Variants in LEMD1 observed in about 807,000 individuals in gnomAD.
LEMD1 encodes LEM domain containing 1.
LEMD1 carries 18 observed loss-of-function variants against 17.4 expected under a neutral mutation model. That is an observed-to-expected ratio of 1.04 (90% CI 0.72 to 1.54). The LOEUF (loss-of-function observed/expected upper bound fraction) is 1.54. Among genes scored for constraint, LEMD1 ranks in the 40% most tolerant of loss-of-function variants. The pLI, the probability that LEMD1 is intolerant of heterozygous loss-of-function variation, is 0.00. For missense variants in LEMD1, 195 were observed against 210.4 expected, an observed-to-expected ratio of 0.93 and a Z score of 0.45; for synonymous variants, 88 against 77.8, an observed-to-expected ratio of 1.13 and a Z score of -0.69.
At chr1:205,440,398 G>C (rs1422928561) in intron 1 of LEMD1, among the ~76,000 whole-genome samples, 1 of 152,232 alleles carries the variant, frequency 6.6e-6, no homozygotes, top group African/African-American at 2.4e-5. Flanking sequence ...GATGCTGGCA[G>C]GGGGCTGGAA....
chr1:205,433,328 G>A (rs1384637302), intron 1 of LEMD1, among the ~76,000 whole-genome samples: 1 of 152,082 alleles, frequency 6.6e-6, no homozygotes, highest in African/African-American at 2.4e-5. Flanking sequence ...GTGGTGGCGG[G>A]TGCCTGTAAT....
At chr1:205,427,262 C>T (rs538666873) in intron 1 of LEMD1, among the ~76,000 whole-genome samples, 8 of 151,866 alleles carry the variant, frequency 5.3e-5, no homozygotes, top group South Asian at 2.1e-4. Flanking sequence ...TCACAGTAAG[C>T]GCTCACAAGT....
chr1:205,431,539 A>G (rs1012725845), intron 1 of LEMD1, among the ~76,000 whole-genome samples: 2 of 152,158 alleles, frequency 1.3e-5, no homozygotes, highest in Non-Finnish European at 2.9e-5. Flanking sequence ...AGTAAAGACA[A>G]CAAGTCTTGT....
intron 1 of LEMD1, among the ~76,000 whole-genome samples, chr1:205,438,685 T>C (rs1052775834): frequency 2.0e-5 from 3 of 152,024 alleles, no homozygotes; most frequent in Non-Finnish European, 2.9e-5. Flanking sequence ...CAGCCCTGGG[T>C]GAAGAAGGGG....
Position 205,381,550 on chromosome 1 carries a change from C to A in LEMD1, c.*108G>T. On this transcript the variant is annotated 3_prime_UTR_variant, in exon 6 of 6. Coordinates refer to ENST00000367153, the MANE Select transcript of LEMD1 (RefSeq NM_001199050.2). ...GAGAGCAGCACAGTGCAAGGGAAGG[C>A]TCCCTGCAAGGGAGGGCTGCAGGCT... The A allele has an allele frequency of 9.3e-7, 1 of 1,069,800 alleles. No individual in the cohort carries two copies. Among genetic ancestry groups the A allele is most frequent in the Non-Finnish European group, 1.4e-6 (1 of 698,990 alleles). 66.3% of individuals were successfully genotyped at this position (1,069,800 alleles called of 1,614,324 possible).
intron 4 of LEMD1, among the ~76,000 whole-genome samples, chr1:205,387,628 T>C (rs1048962915): frequency 2.0e-5 from 3 of 152,314 alleles, no homozygotes; most frequent in Admixed American, 2.0e-4. Flanking sequence ...CTCTTCTCCT[T>C]AGGCCCAGAG....
chr1:205,406,468 C>T (rs1665112199), intron 4 of LEMD1, among the ~76,000 whole-genome samples: 1 of 152,238 alleles, frequency 6.6e-6, no homozygotes, highest in African/African-American at 2.4e-5. Context: ...GACTGCTGTG[C>T]TAGCAATCAG....
chr1:205,389,100 G>A (rs1338305846), intron 4 of LEMD1, among the ~76,000 whole-genome samples: 2 of 132,832 alleles, frequency 1.5e-5, no homozygotes, highest in East Asian at 5.0e-4. Flanking sequence ...CCAGGCTGGA[G>A]TGCAGTGCCA....
chr1:205,394,695 T>G (rs1664505634), intron 4 of LEMD1, among the ~76,000 whole-genome samples: 1 of 152,138 alleles, frequency 6.6e-6, no homozygotes, highest in Admixed American at 6.5e-5. Flanking sequence ...TATTGATTTA[T>G]TTATTTTATT....
intron 5 of LEMD1, chr1:205,382,213 G>A (rs1663742155): frequency 1.0e-5 from 2 of 196,376 alleles, no homozygotes; most frequent in Admixed American, 1.1e-4. Context: ...GTTCACACCT[G>A]TAATTCCAGC....
chr1:205,449,503 T>C (rs877623), intron 1 of LEMD1, among the ~76,000 whole-genome samples: 57,905 of 152,042 alleles, frequency 0.38, 11,275 homozygotes, highest in Non-Finnish European at 0.43. Flanking sequence ...CAACACTTGC[T>C]GGCTCCCTGC....
chr1:205,390,543 A>G (rs1302291797), intron 4 of LEMD1, among the ~76,000 whole-genome samples: 1 of 152,194 alleles, frequency 6.6e-6, no homozygotes, highest in Non-Finnish European at 1.5e-5. Flanking sequence ...AGTATAATAA[A>G]AAGTCTTAGC....
intron 5 of LEMD1, among the ~76,000 whole-genome samples, chr1:205,383,160 C>T (rs1663805746): frequency 1.3e-5 from 2 of 152,166 alleles, no homozygotes; most frequent in Admixed American, 1.3e-4. Flanking sequence ...GTGATCATAG[C>T]TCACTGCATT....
chr1:205,422,593 A>T (rs1040258871), upstream of LEMD1, among the ~76,000 whole-genome samples: 2 of 151,936 alleles, frequency 1.3e-5, no homozygotes, highest in Non-Finnish European at 2.9e-5. Flanking sequence ...CTTATAAGCC[A>T]GCTGAGACAG....
At chr1:205,417,058 C>T (rs1370066085) in intron 3 of LEMD1, among the ~76,000 whole-genome samples, 1 of 152,130 alleles carries the variant, frequency 6.6e-6, no homozygotes, top group Non-Finnish European at 1.5e-5. Context: ...ACAGGATACC[C>T]CCGTCCAGTT....
At chr1:205,403,353 C>A (rs1024031696) in intron 4 of LEMD1, among the ~76,000 whole-genome samples, 8 of 152,076 alleles carry the variant, frequency 5.3e-5, no homozygotes, top group African/African-American at 1.7e-4. Context: ...GGTTGGTAAG[C>A]TATTGATTAT....
In LEMD1 at chr1:205,385,057, G is replaced by A. The variant is rs193274544; in HGVS notation, c.271-693C>T. Among the ~76,000 whole-genome samples the A allele has an allele frequency of 2.7e-4, 41 of 152,086 alleles. No individual in the cohort carries two copies. The East Asian group carries it at 4.2e-3, about 16-fold the overall frequency. On this transcript the variant is annotated intron_variant, in intron 4 of 5. Coordinates refer to ENST00000367153, the MANE Select transcript of LEMD1 (RefSeq NM_001199050.2). ...CACAGTATTATCAGTGGAGAACTAC[G>A]TGCTTGGACTACTACACTAGACTTC...
At chr1:205,390,352 C>G (rs1664275813) in intron 4 of LEMD1, among the ~76,000 whole-genome samples, 1 of 149,280 alleles carries the variant, frequency 6.7e-6, no homozygotes, top group South Asian at 2.1e-4. Flanking sequence ...TACACTCTCT[C>G]TCTAAAAAAA....
chr1:205,415,473 A>G (rs902896472), intron 4 of LEMD1, among the ~76,000 whole-genome samples: 2 of 151,610 alleles, frequency 1.3e-5, no homozygotes, highest in African/African-American at 4.8e-5. Context: ...AAACAGAGAT[A>G]CAGAACCAAG....
Sources: gnomAD v4.1 joint callset for allele counts (sites outside exome capture counted in the v4.1 genomes callset) on GRCh38, gnomAD v4.1.1 for gene constraint, MANE v1.5 for transcripts, NCBI Gene and HGNC (gene_info 2026-07-23, HGNC 2026-07-21) for gene names.